The following KCNMB2 variants were observed in gnomAD, a reference collection of about 807,000 sequenced individuals.
KCNMB2 encodes potassium calcium-activated channel subfamily M regulatory beta subunit 2, also known as calcium-activated potassium channel subunit beta-2.
KCNMB2 carries 9 observed loss-of-function variants against 24.5 expected under a neutral mutation model. That is an observed-to-expected ratio of 0.37 (90% CI 0.22 to 0.64). The LOEUF is 0.64. KCNMB2 is among the 30% of genes least tolerant of loss of function. The pLI is 0.63. For missense variants in KCNMB2, 226 were observed against 284.3 expected, an observed-to-expected ratio of 0.79 and a Z score of 1.47; for synonymous variants, 109 against 104.4, an observed-to-expected ratio of 1.04 and a Z score of -0.27.
intron 1 of KCNMB2, among the ~76,000 whole-genome samples, chr3:178,539,747 G>A (rs1017924952): frequency 3.3e-5 from 5 of 151,984 alleles, no homozygotes; most frequent in African/African-American, 1.2e-4. Context: ...GTGCGTGTGT[G>A]TGTGTTGAGT....
At chr3:178,652,827 C>T (rs1720179794) in intron 1 of KCNMB2, among the ~76,000 whole-genome samples, 1 of 147,672 alleles carries the variant, frequency 6.8e-6, no homozygotes, top group African/African-American at 2.4e-5. Flanking sequence ...CACGCCTGGC[C>T]ATTTTTTTTG....
chr3:178,624,519 A>G (rs1577056682), intron 1 of KCNMB2, among the ~76,000 whole-genome samples: 1 of 152,040 alleles, frequency 6.6e-6, no homozygotes. Context: ...TTTGACCTCT[A>G]TGTTAGTAAT....
chr3:178,819,142 T>A (rs564083481), intron 2 of KCNMB2, among the ~76,000 whole-genome samples: 1 of 152,310 alleles, frequency 6.6e-6, no homozygotes, highest in African/African-American at 2.4e-5. Context: ...CCTTTTCTGT[T>A]TTTTTCTTCT....
At chr3:178,835,332 C>A (rs758073802) in intron 4 of KCNMB2, among the ~76,000 whole-genome samples, 3 of 152,054 alleles carry the variant, frequency 2.0e-5, no homozygotes, top group Non-Finnish European at 2.9e-5. Context: ...GAAGTTCAAA[C>A]TAAACAAGTC....
intron 1 of KCNMB2, among the ~76,000 whole-genome samples, chr3:178,548,577 A>C (rs1039838555): frequency 1.3e-5 from 2 of 152,146 alleles, no homozygotes; most frequent in Non-Finnish European, 2.9e-5. Context: ...CATGCATTTC[A>C]AACCTCCAGA....
chr3:178,682,872 A>AG (rs1401219890), intron 1 of KCNMB2, among the ~76,000 whole-genome samples: 1 of 152,152 alleles, frequency 6.6e-6, no homozygotes, highest in African/African-American at 2.4e-5. Context: ...AGAAAAAAAA[A>AG]CAGATGTTGG....
At position 178,760,344 on chromosome 3, in the gene KCNMB2, C is replaced by T. The variant is rs186766522; in HGVS notation, c.-67-46999C>T. ...GATATATATAGATATATATCTCCTT[C>T]GTTACATATATATATCCATATCCAA... On this transcript the variant is annotated intron_variant, in intron 1 of 4. Transcript: ENST00000452583. 2.1e-4 allele frequency among the ~76,000 whole-genome samples: 19 copies of T among 90,156 alleles called. 1 individual carries two copies. The highest frequency in any genetic ancestry group is 1.8e-3 in the East Asian group (6 of 3,348). 59.1% of individuals were successfully genotyped at this position (90,156 alleles called of 152,430 possible).
chr3:178,740,731 A>C (rs543413391), intron 1 of KCNMB2, among the ~76,000 whole-genome samples: 2 of 152,218 alleles, frequency 1.3e-5, no homozygotes, highest in East Asian at 1.9e-4. Context: ...TCGGTGGGAG[A>C]ATCTTTGGTT....
At chr3:178,689,806 T>G (rs1302878581) in intron 1 of KCNMB2, among the ~76,000 whole-genome samples, 1 of 152,208 alleles carries the variant, frequency 6.6e-6, no homozygotes, top group Non-Finnish European at 1.5e-5. Context: ...AACTTGGGTC[T>G]TCTCACTCTA....
chr3:178,654,277 C>T (rs1326288536), intron 1 of KCNMB2, among the ~76,000 whole-genome samples: 3 of 151,868 alleles, frequency 2.0e-5, no homozygotes, highest in East Asian at 1.9e-4. Flanking sequence ...GTCTTTTCAA[C>T]GAAGGAGATT....
chr3:178,841,338 C>T (rs779709909), intron 4 of KCNMB2, among the ~76,000 whole-genome samples: 1 of 152,182 alleles, frequency 6.6e-6, no homozygotes, highest in African/African-American at 2.4e-5. Flanking sequence ...TATCCTTCAT[C>T]TTCCTGTCCT....
intron 1 of KCNMB2, among the ~76,000 whole-genome samples, chr3:178,674,815 T>C (rs938777401): frequency 1.3e-5 from 2 of 152,214 alleles, no homozygotes; most frequent in African/African-American, 4.8e-5. Context: ...CTCCCCTTGC[T>C]TGGCCCAGTT....
chr3:178,662,186 T>G (rs962403846), intron 1 of KCNMB2, among the ~76,000 whole-genome samples: 1 of 152,172 alleles, frequency 6.6e-6, no homozygotes, highest in African/African-American at 2.4e-5. Flanking sequence ...AGAAATAAAT[T>G]TTTATTCTCA....
chr3:178,758,291 G>GATAT lies in KCNMB2; in HGVS notation c.-67-49041_-67-49038dup, dbSNP rs770913597. Among the ~76,000 whole-genome samples, 2 of 5,134 alleles carry GATAT rather than the reference G, an allele frequency of 3.9e-4. 1 individual carries two copies. Among genetic ancestry groups the GATAT allele is most frequent in the Non-Finnish European group, 5.6e-4 (2 of 3,552 alleles). 3.4% of individuals were successfully genotyped at this position (5,134 alleles called of 152,430 possible). ...ATATATATATATATATCTCCAAGGG[G>GATAT]ATATATATATATATCTCCAAGGGGA... On this transcript the variant is annotated intron_variant, in intron 1 of 4. Coordinates refer to ENST00000452583, the MANE Select transcript of KCNMB2 (RefSeq NM_181361.3).
chr3:178,843,267 T>G lies in KCNMB2; in HGVS notation c.*330T>G, dbSNP rs1253968545. 1 of 476,062 alleles carries G rather than the reference T, an allele frequency of 2.1e-6. No individual in the cohort carries two copies. Among genetic ancestry groups the G allele is most frequent in the East Asian group, 6.4e-5 (1 of 15,568 alleles). 29.5% of individuals were successfully genotyped at this position (476,062 alleles called of 1,614,324 possible). A position where few individuals can be genotyped will look rare whatever the true frequency, so the allele number is the denominator to read the frequency against. Reference sequence around the variant, plus strand: ...AGGAATGTAGGTGACATCAATGTGATAAAGTCTGTGTTCTGAGTTGTCAGA... The same window carrying G: ...AGGAATGTAGGTGACATCAATGTGAGAAAGTCTGTGTTCTGAGTTGTCAGA... On this transcript the variant is annotated 3_prime_UTR_variant, in exon 5 of 5. Transcript: ENST00000452583.
chr3:178,638,125 C>T (rs1330995791), intron 1 of KCNMB2, among the ~76,000 whole-genome samples: 7 of 152,224 alleles, frequency 4.6e-5, no homozygotes, highest in East Asian at 1.9e-4. Context: ...ACCTAATTTG[C>T]GGCCTCACTT....
intron 1 of KCNMB2, among the ~76,000 whole-genome samples, chr3:178,671,195 A>T (rs1720887225): frequency 6.6e-6 from 1 of 151,898 alleles, no homozygotes; most frequent in Non-Finnish European, 1.5e-5. Flanking sequence ...ATCTAAAGAA[A>T]TCGAGAGAAT....
chr3:178,678,232 C>CA (rs1721137746), intron 1 of KCNMB2, among the ~76,000 whole-genome samples: 2 of 152,112 alleles, frequency 1.3e-5, no homozygotes, highest in East Asian at 1.9e-4. Context: ...GAGGAAAAAA[C>CA]AAAAATGGAA....
chr3:178,658,786 A>G (rs1213887244), intron 1 of KCNMB2, among the ~76,000 whole-genome samples: 1 of 152,204 alleles, frequency 6.6e-6, no homozygotes, highest in African/African-American at 2.4e-5. Flanking sequence ...ATGATGCTCA[A>G]AATAATAATA....
Sources: allele counts gnomAD v4.1 joint callset (sites outside exome capture counted in the v4.1 genomes callset), GRCh38; gene constraint gnomAD v4.1.1; transcripts MANE v1.5; gene names NCBI Gene and HGNC (gene_info 2026-07-23, HGNC 2026-07-21).